The following UBOX5 variants were observed in gnomAD, a reference collection of about 807,000 sequenced individuals.
The protein encoded by UBOX5 is U-box domain containing 5, also known as RING finger protein 37.
In UBOX5, 28 loss-of-function variants were observed where a neutral mutation model predicts 39.0. The ratio of observed to expected loss-of-function variants is 0.72; its 90% CI spans 0.53 to 0.98. UBOX5 has a LOEUF of 0.98. Ranked by LOEUF, UBOX5 falls within the 50% of genes least tolerant of loss-of-function variation. UBOX5 has a pLI of 0.00. For missense variants in UBOX5, 585 were observed against 674.4 expected, an observed-to-expected ratio of 0.87 and a Z score of 1.47; for synonymous variants, 283 against 275.5, an observed-to-expected ratio of 1.03 and a Z score of -0.27.
intron 1 of UBOX5, among the ~76,000 whole-genome samples, chr20:3,158,168 T>C (rs1431813389): frequency 6.6e-6 from 1 of 152,098 alleles, no homozygotes; most frequent in African/African-American, 2.4e-5. Flanking sequence ...AGAGTTTCCC[T>C]ATGTTGCCCC....
At chr20:3,142,958 T>TG (rs1427882450) in intron 1 of UBOX5, among the ~76,000 whole-genome samples, 1 of 150,728 alleles carries the variant, frequency 6.6e-6, no homozygotes, top group Non-Finnish European at 1.5e-5. Flanking sequence ...GAATCCAAAG[T>TG]GGAAAAGAAG....
chr20:3,124,237 CCT>C (rs1355060940), intron 1 of UBOX5, among the ~76,000 whole-genome samples: 2 of 152,168 alleles, frequency 1.3e-5, no homozygotes, highest in Non-Finnish European at 2.9e-5. Context: ...TCCCCTCTCC[CCT>C]TTCTTCGGTC....
At chr20:3,158,391 C>T (rs1175516320) in intron 1 of UBOX5, among the ~76,000 whole-genome samples, 1 of 152,180 alleles carries the variant, frequency 6.6e-6, no homozygotes, top group Non-Finnish European at 1.5e-5. Flanking sequence ...AAACATTAGA[C>T]CTGCATAACT....
At chr20:3,115,015 T>G (rs574655767) in intron 4 of UBOX5, among the ~76,000 whole-genome samples, 1 of 152,176 alleles carries the variant, frequency 6.6e-6, no homozygotes, top group South Asian at 2.1e-4. Context: ...TAATTAACAT[T>G]AGATCTCACA....
rs148896914 is a variant in UBOX5, at chr20:3,153,441, C to T, written c.-42+6325G>A. Among the ~76,000 whole-genome samples the T allele has an allele frequency of 5.5e-3, 831 of 152,302 alleles. 10 individuals carry two copies. The highest frequency in any genetic ancestry group is 0.02 in the Middle Eastern group (6 of 294). ...TCTCTGTAATGTAAGTTTATAATCC[C>T]CATATTACTGATGAGAAAGAGACCA... On this transcript the variant is annotated intron_variant, in intron 1 of 4. Coordinates refer to ENST00000217173, the MANE Select transcript of UBOX5 (RefSeq NM_014948.4).
chr20:3,148,932 T>C, intron 1 of UBOX5: 1 of 1,614,234 alleles, frequency 6.2e-7, no homozygotes, highest in Non-Finnish European at 8.5e-7. Flanking sequence ...CAGAGGCTAA[T>C]GTGTTCTGGA....
chr20:3,140,879 C>CCTCT (rs1490103025), intron 1 of UBOX5, among the ~76,000 whole-genome samples: 1 of 151,402 alleles, frequency 6.6e-6, no homozygotes, highest in Admixed American at 6.6e-5. Context: ...CTCTCCCCTC[C>CCTCT]CTCTCTCCCA....
chr20:3,139,798 C>CCG (rs1203160284), intron 1 of UBOX5, among the ~76,000 whole-genome samples: 3 of 148,528 alleles, frequency 2.0e-5, no homozygotes, highest in African/African-American at 2.5e-5. Flanking sequence ...CAACCTCCGT[C>CCG]TCCTGGGTTC....
rs1458460084 is a variant in UBOX5 at position 3,149,566 on chromosome 20, GGAA to G, written c.-42+10197_-42+10199del. Among the ~76,000 whole-genome samples the G allele has an allele frequency of 6.6e-6, 1 of 152,162 alleles. No homozygotes were observed. The highest frequency in any genetic ancestry group is 2.4e-5 in the African/African-American group (1 of 41,452). On this transcript the variant is annotated intron_variant, in intron 1 of 4. Transcript: ENST00000217173. This position sits in a 1 kb window ranked among gnomAD's most constrained non-coding sequence, Gnocchi z 4.1. Reference sequence around the variant, plus strand: ...GACGGTGCTCCGCTAACATTTGATAGGAAGAAGGAAGGCAGATTTCTAGAAAGA... The same window carrying G: ...GACGGTGCTCCGCTAACATTTGATAGGAAGGAAGGCAGATTTCTAGAAAGA...
chr20:3,120,478 C>T (rs1215091123), intron 3 of UBOX5, among the ~76,000 whole-genome samples: 2 of 151,154 alleles, frequency 1.3e-5, no homozygotes, highest in African/African-American at 4.9e-5. Context: ...GAAACCCCGT[C>T]TTTACTAAAA....
At chr20:3,117,658 C>A (rs2422848) in intron 3 of UBOX5, among the ~76,000 whole-genome samples, 1 of 151,696 alleles carries the variant, frequency 6.6e-6, no homozygotes, top group South Asian at 2.1e-4. Context: ...CACTCCAGCC[C>A]GGGCGACAGA....
chr20:3,134,751 C>T (rs1393609259), intron 1 of UBOX5, among the ~76,000 whole-genome samples: 4 of 146,740 alleles, frequency 2.7e-5, no homozygotes, highest in East Asian at 2.1e-4. Flanking sequence ...CCCAGCTACT[C>T]GGGAGGCTGA....
chr20:3,123,099 C>T (rs1161607166), intron 2 of UBOX5, among the ~76,000 whole-genome samples: 1 of 152,118 alleles, frequency 6.6e-6, no homozygotes, highest in East Asian at 1.9e-4. Flanking sequence ...GAGGACCCTG[C>T]ACAAAATGAG....
chr20:3,147,003 T>C, intron 1 of UBOX5: 1 of 1,614,210 alleles, frequency 6.2e-7, no homozygotes, highest in Non-Finnish European at 8.5e-7. Flanking sequence ...GGGGTCTGCA[T>C]GCAGGCTGCG....
chr20:3,140,674 G>C (rs1479810992), intron 1 of UBOX5, among the ~76,000 whole-genome samples: 4 of 151,782 alleles, frequency 2.6e-5, no homozygotes, highest in African/African-American at 9.7e-5. Flanking sequence ...AAAAAACCAC[G>C]CTGGTTTAAT....
intron 1 of UBOX5, among the ~76,000 whole-genome samples, chr20:3,142,632 G>C (rs1299593082): frequency 2.0e-5 from 3 of 149,978 alleles, no homozygotes; most frequent in African/African-American, 7.3e-5. Flanking sequence ...AAGGTGCCGG[G>C]CTTGGTGGCA....
rs1488762521 is a variant in UBOX5 at position 3,122,520 on chromosome 20, C to T, written c.119G>A (p.Gly40Asp). The change falls in exon 3 of 5, where the codon GGT becomes GAT. Residue 40 changes from glycine to aspartate, a missense_variant. Coordinates refer to ENST00000217173, the MANE Select transcript of UBOX5 (RefSeq NM_014948.4). ...CTTAATGAAATACTCTGTCCTGAAACCATGACTTCTCTTTGTGAGATCTTC... is the reference window on the plus strand; with the variant it reads ...CTTAATGAAATACTCTGTCCTGAAATCATGACTTCTCTTTGTGAGATCTTC... ...ISEDLTKRSH[G>D]FRTEYFIKPP... 2 of 1,612,894 alleles carry T rather than the reference C, an allele frequency of 1.2e-6. No homozygotes were observed. The highest frequency in any genetic ancestry group is 8.5e-7 in the Non-Finnish European group (1 of 1,179,404).
intron 1 of UBOX5, among the ~76,000 whole-genome samples, chr20:3,127,972 CCACTTTGAGGCACATA>C (rs1036936080): frequency 4.6e-5 from 7 of 152,198 alleles, no homozygotes; most frequent in Non-Finnish European, 1.0e-4. Context: ...CTAGTGCTTC[CCACTTTGAGGCACATA>C]CACCTTTGCT....
chr20:3,139,879 T>C (rs1002521791), intron 1 of UBOX5, among the ~76,000 whole-genome samples: 2 of 151,918 alleles, frequency 1.3e-5, no homozygotes, highest in African/African-American at 4.8e-5. Flanking sequence ...CCAGCTAATT[T>C]TTTTATTTCT....
Sources: gnomAD v4.1 joint callset for allele counts (sites outside exome capture counted in the v4.1 genomes callset) on GRCh38, gnomAD v4.1.1 for gene constraint, Gnocchi (gnomAD v3.1) non-coding constraint, MANE v1.5 for transcripts, NCBI Gene and HGNC (gene_info 2026-07-23, HGNC 2026-07-21) for gene names.